The following PUDP variants were observed in gnomAD, a reference collection of about 807,000 sequenced individuals.
PUDP encodes the protein pseudouridine 5'-phosphatase.
A neutral mutation model predicts 9.4 loss-of-function variants in PUDP; 8 were observed. That is an observed-to-expected ratio of 0.85 (90% CI 0.50 to 1.53). The LOEUF (loss-of-function observed/expected upper bound fraction) is 1.53. PUDP is among the 40% of genes most tolerant of loss of function. The probability of loss-of-function intolerance (pLI) is 0.00; values close to 1 mark genes in which losing one functional copy is unlikely to be tolerated. For synonymous variants in PUDP, 99 were observed against 80.7 expected, an observed-to-expected ratio of 1.23 and a Z score of -1.22; for missense variants, 188 against 189.7, an observed-to-expected ratio of 0.99 and a Z score of 0.05.
chrX:7,124,904 C>T (rs960179087), intron 1 of PUDP, among the ~76,000 whole-genome samples: 6 of 108,564 alleles, frequency 5.5e-5, no homozygotes, highest in South Asian at 4.0e-4. Flanking sequence ...GCGGAGATGG[C>T]GCCACTGCAC....
chrX:6,749,419 AAAG>A (rs1296741237), intron 3 of PUDP, among the ~76,000 whole-genome samples: 1 of 111,405 alleles, frequency 9.0e-6, no homozygotes, highest in East Asian at 2.8e-4. Flanking sequence ...TGATTTGAAG[AAAG>A]AAGAAGAGGG....
chrX:7,091,853 G>A (rs1269435051), intron 2 of PUDP, among the ~76,000 whole-genome samples: 1 of 112,211 alleles, frequency 8.9e-6, no homozygotes, highest in Non-Finnish European at 1.9e-5. Context: ...GTATAAAACA[G>A]CTATTTAAAT....
At chrX:7,036,186 C>T (rs772216472) in intron 1 of PUDP, among the ~76,000 whole-genome samples, 13 of 112,068 alleles carry the variant, frequency 1.2e-4, no homozygotes, top group African/African-American at 4.2e-4. Context: ...TATAGCAACA[C>T]AAAAGGGACA....
At chrX:7,109,501 C>A (rs181045191) in intron 1 of PUDP, among the ~76,000 whole-genome samples, 27 of 112,271 alleles carry the variant, frequency 2.4e-4, no homozygotes, top group African/African-American at 8.1e-4. Flanking sequence ...AGGAAAACAG[C>A]TGTATCCTCT....
intron 3 of PUDP, among the ~76,000 whole-genome samples, chrX:6,909,775 A>G (rs1474691549): frequency 8.9e-6 from 1 of 112,477 alleles, no homozygotes; most frequent in Non-Finnish European, 1.9e-5. Context: ...CCTGCACTCA[A>G]GGGCATGTCC....
rs749582262 is a variant in PUDP at position 6,876,639 on chromosome X, A to ATATGTG, written c.*247+100493_*247+100494insCACATA. On this transcript the variant is annotated intron_variant and NMD_transcript_variant, in intron 3 of 3. Coordinates refer to the PUDP transcript ENST00000655425. ...AACAAGACCCTGCACCTAAAATGTT[A>ATATGTG]TGTGTGTGTGTGTGTGTGTGTGTGT... Among the ~76,000 whole-genome samples the ATATGTG allele has an allele frequency of 4.8e-3, 441 of 92,810 alleles. 21 individuals carry two copies. In the East Asian group the frequency reaches 0.098, roughly 21 times the overall value. 80.6% of individuals were successfully genotyped at this position (92,810 alleles called of 115,157 possible).
intron 2 of PUDP, among the ~76,000 whole-genome samples, chrX:7,099,417 A>G (rs1931663746): frequency 8.9e-6 from 1 of 112,615 alleles, no homozygotes. Flanking sequence ...TTTGTGCCAC[A>G]ATTTAAAAGT....
At chrX:6,866,531 C>T (rs941022841) in intron 3 of PUDP, among the ~76,000 whole-genome samples, 11 of 111,114 alleles carry the variant, frequency 9.9e-5, no homozygotes. Context: ...AACAAGTGAG[C>T]GCATGTTGGC....
intron 1 of PUDP, among the ~76,000 whole-genome samples, chrX:7,115,352 T>A (rs1461278967): frequency 8.9e-6 from 1 of 112,600 alleles, no homozygotes; most frequent in African/African-American, 3.2e-5. Context: ...TTGGTGACCT[T>A]CTTTTGAGAG....
At chrX:7,023,988 A>G (rs954804505) in intron 1 of PUDP, among the ~76,000 whole-genome samples, 37 of 112,033 alleles carry the variant, frequency 3.3e-4, no homozygotes, top group Non-Finnish European at 7.5e-5. Flanking sequence ...TGAAAATAGT[A>G]TTGATTCTTC....
intron 3 of PUDP, among the ~76,000 whole-genome samples, chrX:6,932,641 C>A (rs941138823): frequency 9.0e-6 from 1 of 111,334 alleles, no homozygotes; most frequent in African/African-American, 3.3e-5. Flanking sequence ...GTGCGCGCAC[C>A]GTGCGCGAGC....
At chrX:7,134,138 A>T (rs1158874268) in intron 1 of PUDP, among the ~76,000 whole-genome samples, 1 of 112,310 alleles carries the variant, frequency 8.9e-6, no homozygotes, top group Non-Finnish European at 1.9e-5. Flanking sequence ...TACAGTAAGT[A>T]AGTTGTCAAT....
chrX:7,066,759 A>G (rs1930566080), intron 3 of PUDP, among the ~76,000 whole-genome samples: 1 of 111,897 alleles, frequency 8.9e-6, no homozygotes, highest in Non-Finnish European at 1.9e-5. Flanking sequence ...ACTTCGGGGA[A>G]GTTAAAGGGC....
rs778241003 is a variant in PUDP, at chrX:6,795,532, C to A, written c.*248-89066G>T. On this transcript the variant is annotated intron_variant and NMD_transcript_variant, in intron 3 of 3. Transcript: ENST00000655425. The stretch of plus-strand genomic sequence containing the variant: ...AGTGGATTGCATTACAGGAGATGAA[C>A]CCTGTGCTTAGGGACCTGACCTGAA... Among the ~76,000 whole-genome samples the A allele has an allele frequency of 8.1e-5, 9 of 111,434 alleles. No individual in the cohort carries two copies. The East Asian group carries it at 2.3e-3, about 28-fold the overall frequency.
At chrX:6,736,240 T>A (rs927283482) in intron 3 of PUDP, among the ~76,000 whole-genome samples, 1 of 111,666 alleles carries the variant, frequency 9.0e-6, no homozygotes, top group Non-Finnish European at 1.9e-5. Flanking sequence ...CCTCAGTGAA[T>A]TTTGTATTAT....
At chrX:6,854,192 C>A (rs1268735668) in intron 3 of PUDP, among the ~76,000 whole-genome samples, 10 of 111,863 alleles carry the variant, frequency 8.9e-5, no homozygotes, top group Non-Finnish European at 1.7e-4. Context: ...CAAATAAAGA[C>A]CACTCTACTT....
intron 3 of PUDP, among the ~76,000 whole-genome samples, chrX:6,970,968 T>G (rs1278498717): frequency 1.8e-5 from 2 of 110,862 alleles, no homozygotes; most frequent in Non-Finnish European, 3.8e-5. Flanking sequence ...GGAGAATCGC[T>G]TGAACCTGGG....
intron 3 of PUDP, among the ~76,000 whole-genome samples, chrX:6,937,326 C>T (rs1347863268): frequency 1.9e-5 from 2 of 104,876 alleles, no homozygotes; most frequent in African/African-American, 7.0e-5. Context: ...GAAATAACGC[C>T]GCATATCTAC....
intron 1 of PUDP, among the ~76,000 whole-genome samples, chrX:7,021,427 C>G (rs956597858): frequency 2.7e-5 from 3 of 111,253 alleles, no homozygotes; most frequent in African/African-American, 9.8e-5. Context: ...CTTTAATGCA[C>G]CCCCCCTTAG....
Sources: gnomAD v4.1 joint callset for allele counts (sites outside exome capture counted in the v4.1 genomes callset) on GRCh38, gnomAD v4.1.1 for gene constraint, MANE v1.5 for transcripts, NCBI Gene and HGNC (gene_info 2026-07-23, HGNC 2026-07-21) for gene names.